ABLIM1: variants seen among roughly 807,000 people sequenced by gnomAD.
ABLIM1 encodes the protein actin binding LIM protein 1.
Under a neutral mutation model 107.0 loss-of-function variants are expected in ABLIM1, and 40 were observed. The ratio of observed to expected loss-of-function variants is 0.37; its 90% CI spans 0.29 to 0.49. The LOEUF is 0.49. Ranked by LOEUF, ABLIM1 falls within the 20% of genes least tolerant of loss-of-function variation. ABLIM1 has a pLI of 0.97. For synonymous variants in ABLIM1, 357 were observed against 357.3 expected, an observed-to-expected ratio of 1.00 and a Z score of 0.01; for missense variants, 857 against 1,008.5, an observed-to-expected ratio of 0.85 and a Z score of 2.04.
At chr10:114,560,298 T>C (rs1252961478) in intron 4 of ABLIM1, among the ~76,000 whole-genome samples, 1 of 151,982 alleles carries the variant, frequency 6.6e-6, no homozygotes, top group Non-Finnish European at 1.5e-5. Context: ...CCATACAATG[T>C]AAACATTATT....
intron 21 of ABLIM1, among the ~76,000 whole-genome samples, 154 bp downstream of exon 21, chr10:114,439,022 G>C (rs2059819138): frequency 6.6e-6 from 1 of 152,224 alleles, no homozygotes; most frequent in African/African-American, 2.4e-5. Context: ...CCTGATGTGG[G>C]CAAAACAGCA....
intron 2 of ABLIM1, among the ~76,000 whole-genome samples, chr10:114,577,135 G>A (rs1050108986): frequency 6.6e-6 from 1 of 152,186 alleles, no homozygotes; most frequent in African/African-American, 2.4e-5. Context: ...TCTATGTGCA[G>A]ATCTTATTTT....
chr10:114,741,857 T>G (rs2082295525), intron 1 of ABLIM1, among the ~76,000 whole-genome samples: 3 of 152,188 alleles, frequency 2.0e-5, no homozygotes, highest in Admixed American at 2.0e-4. Flanking sequence ...AAGGCACCAT[T>G]ACACATTGCT....
intron 1 of ABLIM1, among the ~76,000 whole-genome samples, chr10:114,627,238 T>C (rs4237504): frequency 0.12 from 18,765 of 152,068 alleles, 1,208 homozygotes; most frequent in African/African-American, 0.14. Context: ...AAATCTACCA[T>C]TCTCTTTTCA....
intron 1 of ABLIM1, among the ~76,000 whole-genome samples, chr10:114,634,422 G>A (rs892764346): frequency 6.6e-6 from 1 of 151,880 alleles, no homozygotes; most frequent in South Asian, 2.1e-4. Flanking sequence ...GTGAGCCACC[G>A]CGCCCGGCCT....
the ABLIM1 span, among the ~76,000 whole-genome samples, chr10:114,776,776 C>T: frequency 2.1e-3 from 325 of 152,292 alleles, 1 homozygote; most frequent in Admixed American, 6.8e-3. Flanking sequence ...CTATGGGATG[C>T]TCAACTAATT....
chr10:114,657,825 C>T (rs1396132614), intron 1 of ABLIM1, 132 bp downstream of exon 1: 19 of 766,518 alleles, frequency 2.5e-5, no homozygotes, highest in Admixed American at 1.5e-4. Context: ...CACCCTCACC[C>T]CCATTAATTA....
At chr10:114,506,234 T>TA (rs1430237833) in intron 6 of ABLIM1, among the ~76,000 whole-genome samples, 23 of 152,238 alleles carry the variant, frequency 1.5e-4, no homozygotes, top group Non-Finnish European at 2.6e-4. Context: ...GGTGTATAGA[T>TA]ACCACATTTT....
intron 1 of ABLIM1, among the ~76,000 whole-genome samples, chr10:114,694,901 A>G (rs1177903047): frequency 6.6e-6 from 1 of 152,198 alleles, no homozygotes; most frequent in East Asian, 1.9e-4. Flanking sequence ...AAACCCGGAC[A>G]TTGAGCCGCA....
the ABLIM1 span, among the ~76,000 whole-genome samples, chr10:114,787,264 G>A: frequency 4.6e-5 from 7 of 151,206 alleles, no homozygotes; most frequent in African/African-American, 9.7e-5. Context: ...CCTGGCAACC[G>A]CCCTGTCTGA....
the ABLIM1 span, among the ~76,000 whole-genome samples, chr10:114,790,173 T>C: frequency 1.6e-4 from 25 of 151,918 alleles, no homozygotes; most frequent in African/African-American, 6.0e-4. Flanking sequence ...TCAAAATCTT[T>C]CTTTTGCTTA....
Position 114,531,205 on chromosome 10 carries a change from G to A in ABLIM1, c.894+13800C>T, listed in dbSNP as rs573915531. 1.7e-3 allele frequency among the ~76,000 whole-genome samples: 265 copies of A among 152,298 alleles called. 8 individuals carry two copies. The highest frequency in any genetic ancestry group is 1.8e-3 in the Non-Finnish European group (121 of 68,020). On this transcript the variant is annotated intron_variant, in intron 6 of 22. Transcript: ENST00000533213. ...CCTTCATTCAAACAGGAAGCTGTAA[G>A]TTCATTCCAAATATTGGGCTTTTAC...
intron 13 of ABLIM1, among the ~76,000 whole-genome samples, chr10:114,452,719 T>C (rs376136769): frequency 3.3e-5 from 5 of 152,348 alleles, no homozygotes; most frequent in African/African-American, 9.6e-5. Flanking sequence ...AACATTAAGA[T>C]ATTATATTAA....
chr10:114,721,988 T>C (rs1381624019), intron 1 of ABLIM1, among the ~76,000 whole-genome samples: 1 of 152,154 alleles, frequency 6.6e-6, no homozygotes, highest in Non-Finnish European at 1.5e-5. Flanking sequence ...GTATGTGTGT[T>C]TGCATGTGTA....
intron 2 of ABLIM1, among the ~76,000 whole-genome samples, chr10:114,599,649 C>T (rs765636769): frequency 2.6e-5 from 4 of 151,782 alleles, no homozygotes; most frequent in South Asian, 2.1e-4. Context: ...TAGCTGGGCA[C>T]GGTGGCAGGT....
At chr10:114,560,807 T>C (rs889919617) in intron 4 of ABLIM1, among the ~76,000 whole-genome samples, 3 of 152,196 alleles carry the variant, frequency 2.0e-5, no homozygotes, top group African/African-American at 7.2e-5. Flanking sequence ...ACTCCATTAA[T>C]ATAAAATATC....
chr10:114,769,172 GAAAAAAA>G (rs35691537), upstream of ABLIM1, among the ~76,000 whole-genome samples: 703 of 46,532 alleles, frequency 0.015, 5 homozygotes, highest in Non-Finnish European at 0.018. Flanking sequence ...TGTCTTCAAT[GAAAAAAA>G]AAAAAAAAAA....
chr10:114,756,071 A>G (rs915094505), intron 1 of ABLIM1, among the ~76,000 whole-genome samples: 6 of 110,414 alleles, frequency 5.4e-5, no homozygotes, highest in African/African-American at 1.9e-4. Context: ...AGGAATTGTG[A>G]GTGTGTTTGT....
chr10:114,786,983 G>T, the ABLIM1 span, among the ~76,000 whole-genome samples: 1 of 150,096 alleles, frequency 6.7e-6, no homozygotes, highest in African/African-American at 2.5e-5. Flanking sequence ...GAGCCCCTCT[G>T]CCTGGCTGCC....
Sources: gnomAD v4.1 joint callset for allele counts (sites outside exome capture counted in the v4.1 genomes callset) on GRCh38, gnomAD v4.1.1 for gene constraint, MANE v1.5 for transcripts, NCBI Gene and HGNC (gene_info 2026-07-23, HGNC 2026-07-21) for gene names.